Variants in ACTR8 observed in about 807,000 individuals in gnomAD.
ACTR8 encodes the protein actin-related protein 8.
Under a neutral mutation model 84.3 loss-of-function variants are expected in ACTR8, and 70 were observed. The observed-to-expected ratio is 0.83, with a 90% confidence interval of 0.68 to 1.01. The LOEUF (loss-of-function observed/expected upper bound fraction) is 1.01. Ranked by LOEUF, ACTR8 falls within the 50% of genes least tolerant of loss-of-function variation. The pLI, the probability that ACTR8 is intolerant of heterozygous loss-of-function variation, is 0.00. For synonymous variants in ACTR8, 268 were observed against 275.2 expected (o/e 0.97, Z 0.26); for missense variants, 672 against 775.4 (o/e 0.87, Z 1.58).
downstream of ACTR8, among the ~76,000 whole-genome samples, chr3:53,863,408 CCTCTT>C (rs1164208802): frequency 6.6e-6 from 1 of 152,044 alleles, no homozygotes; most frequent in African/African-American, 2.4e-5. Flanking sequence ...TAAAAAAACT[CCTCTT>C]CTCCATATGT....
At chr3:53,877,522 A>G (rs1210659517) in intron 4 of ACTR8, 125 bp downstream of exon 4, 2 of 1,290,520 alleles carry the variant, frequency 1.5e-6, no homozygotes, top group Non-Finnish European at 2.1e-6. Context: ...CGGTGTGACT[A>G]TCTGGTACTC....
chr3:53,873,133 T>C lies in ACTR8; in HGVS notation c.1066-6A>G, dbSNP rs1227659026. The C allele has an allele frequency of 6.2e-7, 1 of 1,601,666 alleles. No individual in the cohort carries two copies. ...TCCTGAAGCCCAGAGATGTCCTGAT[T>C]CCAGGAAAAGATGCTGTCAGTGAAT... On this transcript the variant is annotated splice_region_variant and splice_polypyrimidine_tract_variant and intron_variant, in intron 8 of 12. Transcript: ENST00000335754.
rs1173631225 is a variant in ACTR8, at chr3:53,881,878, C to G, written c.123+101G>C. ...GCACTCCCCCCACCAGGGGCTGGGG[C>G]CTGCAAGGGGGACTCGAAGCCTCCC... On this transcript the variant is annotated intron_variant, in intron 1 of 12. Coordinates refer to ENST00000335754, the MANE Select transcript of ACTR8 (RefSeq NM_022899.5). The G allele has an allele frequency of 8.6e-6, 13 of 1,516,408 alleles. No individual in the cohort carries two copies. The East Asian group carries it at 3.2e-4, about 37-fold the overall frequency. 93.9% of individuals were successfully genotyped at this position (1,516,408 alleles called of 1,614,324 possible).
chr3:53,864,671 T>C, downstream of ACTR8: 2 of 1,120,204 alleles, frequency 1.8e-6, no homozygotes, highest in South Asian at 2.9e-5. Context: ...AGGGATCATT[T>C]GTCAGGGATG....
At chr3:53,860,386 G>A in the ACTR8 span, 2 of 492,760 alleles carry the variant, frequency 4.1e-6, no homozygotes, top group East Asian at 3.1e-5. Flanking sequence ...AGACTGATAC[G>A]AGCATGACTG....
intron 12 of ACTR8, among the ~76,000 whole-genome samples, 176 bp downstream of exon 12, chr3:53,869,806 C>G (rs1446784872): frequency 6.6e-6 from 1 of 152,134 alleles, no homozygotes; most frequent in Non-Finnish European, 1.5e-5. Flanking sequence ...AATCCAGTAC[C>G]TTAGGCCAGA....
downstream of ACTR8, among the ~76,000 whole-genome samples, chr3:53,862,190 C>T (rs1217054716): frequency 1.3e-5 from 2 of 152,140 alleles, no homozygotes; most frequent in East Asian, 3.8e-4. Context: ...ACCCAGAGCC[C>T]CATGAGTTCA....
At position 53,871,390 on chromosome 3, in the gene ACTR8, T is replaced by G; in HGVS notation, c.1409A>C (p.Glu470Ala). ...SDLPERLHSQ[E>A]VDLGSAQGDG... is the part of the protein sequence containing the mutation. ...TCCCTGTGCAGACCCCAAATCTACCTCCTGGGAATGGAGTCTTTCTGGAAG... is the reference window on the plus strand; with the variant it reads ...TCCCTGTGCAGACCCCAAATCTACCGCCTGGGAATGGAGTCTTTCTGGAAG... The change falls in exon 11 of 13, where the codon GAG becomes GCG. Residue 470 changes from glutamate (E) to alanine (A), a missense_variant. Physicochemically the swap from Glu to Ala is moderately radical, Grantham distance 107. Transcript: ENST00000335754. 6.2e-7 allele frequency: 1 copy of G among 1,614,200 alleles called. No homozygotes were observed. The highest frequency in any genetic ancestry group is 8.5e-7 in the Non-Finnish European group (1 of 1,180,024).
At chr3:53,869,956 C>T in intron 12 of ACTR8, 26 bp downstream of exon 12, 1 of 1,611,580 alleles carries the variant, frequency 6.2e-7, no homozygotes. Context: ...TGCATACAGT[C>T]CAACTTGCAC....
chr3:53,879,749 GACTT>G (rs796748910), intron 2 of ACTR8, among the ~76,000 whole-genome samples, 186 bp downstream of exon 2: 2 of 152,156 alleles, frequency 1.3e-5, no homozygotes, highest in Non-Finnish European at 2.9e-5. Flanking sequence ...CACCCTGAAA[GACTT>G]ACTTTTGTTG....
chr3:53,877,848 G>A (rs1302250230), intron 3 of ACTR8, 97 bp from the exon 4 acceptor site: 2 of 951,824 alleles, frequency 2.1e-6, no homozygotes, highest in Non-Finnish European at 3.1e-6. Context: ...TAGACACATT[G>A]GCAAATTTTA....
chr3:53,881,713 A>C, intron 1 of ACTR8: 2 of 558,206 alleles, frequency 3.6e-6, no homozygotes, highest in Non-Finnish European at 6.3e-6. Context: ...CCCGGGCAGG[A>C]GCGCACACAA....
chr3:53,869,838 G>T, intron 12 of ACTR8, 144 bp downstream of exon 12: 1 of 948,526 alleles, frequency 1.1e-6, no homozygotes, highest in African/African-American at 1.7e-5. Flanking sequence ...CACATCTATG[G>T]CTTGCTGAAA....
In ACTR8 at chr3:53,867,903, C is replaced by T. The variant is rs1699818061; in HGVS notation, c.*816G>A. ...GTAAAGGAAAATTGAGGCTTGATGA[C>T]TAAGTTGGTAGTATTAATAACTACA... On this transcript the variant is annotated 3_prime_UTR_variant, in exon 13 of 13. Transcript: ENST00000335754. 1 of 152,158 alleles carries T rather than the reference C, an allele frequency of 6.6e-6. No homozygotes were observed. Among genetic ancestry groups the T allele is most frequent in the Non-Finnish European group, 1.5e-5 (1 of 68,030 alleles). 9.4% of individuals were successfully genotyped at this position (152,158 alleles called of 1,614,324 possible).
rs1219673160 is a variant in ACTR8 at position 53,869,969 on chromosome 3, T to G, written c.1731+13A>C. ...TTTGCATACAGTCCAACTTGCACAA[T>G]GAAACAACCTACCTTAGGCCTTGTG... is the stretch of plus-strand genomic sequence containing the variant. On this transcript the variant is annotated intron_variant, in intron 12 of 12. Coordinates refer to ENST00000335754, the MANE Select transcript of ACTR8 (RefSeq NM_022899.5). 3.1e-6 allele frequency: 5 copies of G among 1,613,354 alleles called. No homozygotes were observed. The highest frequency in any genetic ancestry group is 3.4e-6 in the Non-Finnish European group (4 of 1,179,530).
chr3:53,872,370 G>A lies in ACTR8; in HGVS notation c.1302+14C>T. The A allele has an allele frequency of 6.4e-7, 1 of 1,555,844 alleles. No individual in the cohort carries two copies. On this transcript the variant is annotated intron_variant, in intron 10 of 12. Transcript: ENST00000335754. ...GACAAAACTCTCTCTTCTCCTACCAGAATTGCTACGGACCTGTTCTTGTTT... is the reference window on the plus strand; with the variant it reads ...GACAAAACTCTCTCTTCTCCTACCAAAATTGCTACGGACCTGTTCTTGTTT...
In ACTR8 at chr3:53,880,037, T is replaced by C. The variant is rs1700035444; in HGVS notation, c.196A>G (p.Thr66Ala). The C allele has an allele frequency of 6.2e-7, 1 of 1,613,904 alleles. No individual in the cohort carries two copies. Among genetic ancestry groups the C allele is most frequent in the African/African-American group, 1.3e-5 (1 of 74,874 alleles). Reference protein sequence around the residue: ...TTLRIGRATDTLPASIPHVIA... With the variant: ...TTLRIGRATDALPASIPHVIA... ...ACGTGAGGAATGCTGGCAGGAAGAG[T>C]GTCTGTGGCTCGACCAATCCTTAAA... Residue 66 changes from threonine to alanine, a missense_variant, in exon 2 of 13, where the codon ACT becomes GCT. Transcript: ENST00000335754.
chr3:53,875,306 T>C (rs537625215), intron 7 of ACTR8, among the ~76,000 whole-genome samples: 1 of 152,266 alleles, frequency 6.6e-6, no homozygotes, highest in African/African-American at 2.4e-5. Context: ...CTACCTAATG[T>C]GGAGGACGGG....
Position 53,870,287 on chromosome 3 carries a change from G to A in ACTR8, c.1568-142C>T, listed in dbSNP as rs768080635. 1.4e-5 allele frequency: 13 copies of A among 937,440 alleles called. No homozygotes were observed. Among genetic ancestry groups the A allele is most frequent in the Middle Eastern group, 4.8e-4 (2 of 4,180 alleles). The allele number at this position is 937,440 out of a possible 1,614,324, so 58.1% of individuals were successfully genotyped here. A position where few individuals can be genotyped will look rare whatever the true frequency, so the allele number is the denominator to read the frequency against. ...GCCCACCCTCCACACTGCAGCCAGGGGAACCCTACGAAACACAAATGTAGG... is the reference window on the plus strand; with the variant it reads ...GCCCACCCTCCACACTGCAGCCAGGAGAACCCTACGAAACACAAATGTAGG... On this transcript the variant is annotated intron_variant, in intron 11 of 12. Transcript: ENST00000335754. This position sits in a 1 kb window ranked among gnomAD's most constrained non-coding sequence, Gnocchi z 4.1.
Sources: gnomAD v4.1 joint callset for allele counts (sites outside exome capture counted in the v4.1 genomes callset) on GRCh38, gnomAD v4.1.1 for gene constraint, Gnocchi (gnomAD v3.1) non-coding constraint, MANE v1.5 for transcripts, NCBI Gene and HGNC (gene_info 2026-07-23, HGNC 2026-07-21) for gene names.